Variants in PKHD1 observed in about 807,000 individuals in gnomAD.
PKHD1 encodes the protein PKHD1 ciliary IPT domain containing fibrocystin/polyductin.
In PKHD1, 291 loss-of-function variants were observed where a neutral mutation model predicts 412.0. The observed-to-expected ratio is 0.71, with a 90% CI of 0.64 to 0.78. The LOEUF is 0.78. Ranked by LOEUF, PKHD1 falls within the 30% of genes least tolerant of loss-of-function variation. PKHD1 has a pLI of 0.00. For missense variants in PKHD1, 4,825 were observed against 4,950.7 expected (o/e 0.97, Z 0.76); for synonymous variants, 1,777 against 1,821.5 (o/e 0.98, Z 0.62).
At chr6:51,774,424 T>C (rs1048059832) in intron 54 of PKHD1, among the ~76,000 whole-genome samples, 7 of 151,960 alleles carry the variant, frequency 4.6e-5, no homozygotes, top group African/African-American at 1.7e-4. Context: ...AACAGAAAGT[T>C]TGTTCCAGTG....
intron 49 of PKHD1, among the ~76,000 whole-genome samples, chr6:51,853,289 T>C (rs2151666866): frequency 6.6e-6 from 1 of 152,380 alleles, no homozygotes; most frequent in East Asian, 1.9e-4. Flanking sequence ...GTTAGTCTGA[T>C]GGGCTTCCCT....
intron 36 of PKHD1, among the ~76,000 whole-genome samples, chr6:51,947,885 A>G (rs990834536): frequency 2.0e-5 from 3 of 152,126 alleles, no homozygotes; most frequent in African/African-American, 4.8e-5. Context: ...CTTAACTATG[A>G]GTATCCATGA....
chr6:52,054,994 G>T (rs888087980), intron 19 of PKHD1, among the ~76,000 whole-genome samples: 1 of 152,230 alleles, frequency 6.6e-6, no homozygotes, highest in South Asian at 2.1e-4. Flanking sequence ...CAAATCAGCT[G>T]CACTTCTTTT....
chr6:52,007,715 A>T (rs1183738432), intron 35 of PKHD1, among the ~76,000 whole-genome samples: 1 of 152,230 alleles, frequency 6.6e-6, no homozygotes, highest in Non-Finnish European at 1.5e-5. Context: ...CATTATATCC[A>T]GTTCCTAAAT....
At chr6:51,779,859 T>TA (rs1398861885) in intron 53 of PKHD1, among the ~76,000 whole-genome samples, 1 of 151,962 alleles carries the variant, frequency 6.6e-6, no homozygotes, top group Non-Finnish European at 1.5e-5. Flanking sequence ...ATAACAGGCA[T>TA]AGATGGAAAA....
intron 52 of PKHD1, among the ~76,000 whole-genome samples, chr6:51,808,760 T>C (rs1764227599): frequency 6.6e-6 from 1 of 152,168 alleles, no homozygotes; most frequent in African/African-American, 2.4e-5. Flanking sequence ...TGGATATTTA[T>C]GGAATGTGGA....
At chr6:51,755,021 C>T in intron 55 of PKHD1, 83 bp from the exon 56 acceptor site, 1 of 1,140,068 alleles carries the variant, frequency 8.8e-7, no homozygotes, top group South Asian at 1.2e-5. Context: ...AAAAGGAAAT[C>T]CACTGTGACC....
intron 55 of PKHD1, among the ~76,000 whole-genome samples, chr6:51,767,405 T>C (rs1487046554): frequency 1.3e-5 from 2 of 152,176 alleles, no homozygotes; most frequent in East Asian, 3.9e-4. Flanking sequence ...GTTACATATG[T>C]ATACATGTGC....
At chr6:51,928,466 C>A (rs1047853611) in intron 37 of PKHD1, among the ~76,000 whole-genome samples, 2 of 152,010 alleles carry the variant, frequency 1.3e-5, no homozygotes, top group Non-Finnish European at 1.5e-5. Context: ...CAAATTTACA[C>A]ACCACATCAG....
intron 43 of PKHD1, among the ~76,000 whole-genome samples, chr6:51,899,403 C>A (rs1228310778): frequency 2.6e-5 from 4 of 152,042 alleles, no homozygotes; most frequent in Non-Finnish European, 4.4e-5. Context: ...TAAACAGAGC[C>A]AAAGACAAAA....
chr6:52,013,201 C>A (rs553054833), intron 34 of PKHD1, among the ~76,000 whole-genome samples: 2 of 152,272 alleles, frequency 1.3e-5, no homozygotes, highest in East Asian at 3.9e-4. Context: ...CCTTCTTATG[C>A]CCTTTCCTGA....
intron 60 of PKHD1, among the ~76,000 whole-genome samples, chr6:51,718,700 T>C (rs1282755763): frequency 2.0e-5 from 3 of 152,200 alleles, no homozygotes; most frequent in Admixed American, 2.0e-4. Context: ...AAGTGATTTA[T>C]GATATTTCCA....
chr6:51,759,564 A>C (rs536904334), intron 55 of PKHD1, among the ~76,000 whole-genome samples: 2 of 152,294 alleles, frequency 1.3e-5, no homozygotes, highest in South Asian at 4.1e-4. Context: ...AGAGGTTGAA[A>C]TAAAGAAGTA....
At chr6:51,866,061 T>A (rs1775021192) in intron 48 of PKHD1, among the ~76,000 whole-genome samples, 1 of 152,106 alleles carries the variant, frequency 6.6e-6, no homozygotes, top group Non-Finnish European at 1.5e-5. Context: ...CTGCTGCTGC[T>A]GGTCCATGGA....
At chr6:51,981,472 C>T (rs1206003237) in intron 35 of PKHD1, among the ~76,000 whole-genome samples, 5 of 152,070 alleles carry the variant, frequency 3.3e-5, no homozygotes, top group African/African-American at 7.2e-5. Flanking sequence ...CAGCCTGCTA[C>T]GCCTCACTGG....
intron 56 of PKHD1, among the ~76,000 whole-genome samples, chr6:51,753,807 G>A (rs1381259731): frequency 2.6e-5 from 4 of 152,156 alleles, no homozygotes; most frequent in Non-Finnish European, 2.9e-5. Flanking sequence ...AAAGGAAAGC[G>A]AGAAGCAGCA....
intron 43 of PKHD1, among the ~76,000 whole-genome samples, chr6:51,901,436 C>T (rs1363223740): frequency 3.3e-5 from 5 of 151,812 alleles, no homozygotes; most frequent in African/African-American, 4.8e-5. Flanking sequence ...AACCAAACAC[C>T]GCATATTCTC....
intron 60 of PKHD1, among the ~76,000 whole-genome samples, chr6:51,666,520 T>G (rs956258372): frequency 6.6e-6 from 1 of 152,116 alleles, no homozygotes; most frequent in African/African-American, 2.4e-5. Context: ...CAACTCATTA[T>G]TGGTATGTGC....
intron 60 of PKHD1, among the ~76,000 whole-genome samples, chr6:51,700,036 G>A (rs985231722): frequency 2.7e-5 from 4 of 150,280 alleles, no homozygotes; most frequent in Non-Finnish European, 4.4e-5. Context: ...AGATATTTTA[G>A]GAGAACTTGG....
Sources: gnomAD v4.1 joint callset for allele counts (sites outside exome capture counted in the v4.1 genomes callset) on GRCh38, gnomAD v4.1.1 for gene constraint, MANE v1.5 for transcripts, NCBI Gene and HGNC (gene_info 2026-07-23, HGNC 2026-07-21) for gene names.